MRPS14: variants seen among roughly 807,000 people sequenced by gnomAD.
MRPS14 encodes the protein small ribosomal subunit protein uS14m.
MRPS14 carries 14 observed loss-of-function variants against 16.4 expected under a neutral mutation model. That is an observed-to-expected ratio of 0.85 (90% CI 0.56 to 1.33). MRPS14 has a LOEUF of 1.33. Ranked by LOEUF, MRPS14 falls within the 40% of genes most tolerant of loss-of-function variation. The probability of loss-of-function intolerance (pLI) is 0.00; values close to 1 mark genes in which losing one functional copy is unlikely to be tolerated. For missense variants in MRPS14, 162 were observed against 176.8 expected (o/e 0.92, Z 0.48); for synonymous variants, 54 against 61.9 (o/e 0.87, Z 0.60).
chr1:175,018,239 T>A (rs1442982734), intron 2 of MRPS14, among the ~76,000 whole-genome samples, 179 bp downstream of exon 2: 1 of 152,010 alleles, frequency 6.6e-6, no homozygotes, highest in Non-Finnish European at 1.5e-5. Context: ...TAGTTAGGAG[T>A]GAATAGTCTT....
chr1:175,016,209 A>G (rs1035507205), intron 2 of MRPS14, among the ~76,000 whole-genome samples: 6 of 150,512 alleles, frequency 4.0e-5, no homozygotes, highest in Non-Finnish European at 8.9e-5. Context: ...AAAAAAAAAC[A>G]AAAAAAAACC....
At chr1:175,018,679 T>C (rs1672925985) in intron 1 of MRPS14, 103 bp from the exon 2 acceptor site, 3 of 1,099,110 alleles carry the variant, frequency 2.7e-6, no homozygotes, top group Non-Finnish European at 3.8e-6. Context: ...TCATTTAGTA[T>C]TCTTTTAAGA....
intron 1 of MRPS14, among the ~76,000 whole-genome samples, chr1:175,022,079 A>G (rs945532532): frequency 7.2e-5 from 11 of 152,204 alleles, no homozygotes; most frequent in Admixed American, 2.6e-4. Flanking sequence ...TGTAAACATT[A>G]AACAACTTTA....
chr1:175,023,156 A>G (rs1306439264), intron 1 of MRPS14: 4 of 1,248,490 alleles, frequency 3.2e-6, no homozygotes, highest in Non-Finnish European at 4.3e-6. Flanking sequence ...ACATCTTCCA[A>G]TACCAGTTAG....
At chr1:175,018,019 G>A (rs1290870689) in intron 2 of MRPS14, among the ~76,000 whole-genome samples, 1 of 152,050 alleles carries the variant, frequency 6.6e-6, no homozygotes, top group Non-Finnish European at 1.5e-5. Flanking sequence ...AGTTACTCAG[G>A]AGACTGAGGC....
Position 175,021,501 on chromosome 1 carries a change from A to T in MRPS14, c.45+1863T>A, listed in dbSNP as rs1672977075. Among the ~76,000 whole-genome samples, 3 of 152,248 alleles carry T rather than the reference A, an allele frequency of 2.0e-5. No individual in the cohort carries two copies. In the South Asian group the frequency reaches 6.2e-4, roughly 32 times the overall value. ...CTCACTTTGTATATCTCAACTCATTATCACTTCTTTCTAGCTTGCTCCTTC... is the reference window on the plus strand; with the variant it reads ...CTCACTTTGTATATCTCAACTCATTTTCACTTCTTTCTAGCTTGCTCCTTC... On this transcript the variant is annotated intron_variant, in intron 1 of 2. Transcript: ENST00000476371.
At chr1:175,019,953 A>G (rs978178198) in intron 1 of MRPS14, among the ~76,000 whole-genome samples, 3 of 152,234 alleles carry the variant, frequency 2.0e-5, no homozygotes, top group Non-Finnish European at 2.9e-5. Context: ...TCAATCTATT[A>G]ACAAAAGATA....
chr1:175,015,242 C>T lies in MRPS14; in HGVS notation c.205-391G>A, dbSNP rs533613129. The stretch of plus-strand genomic sequence containing the variant: ...AGGATTACAGGTGTGAGCCACAGCG[C>T]CTGGCCACTGGCAGGTAATGTTCAT... On this transcript the variant is annotated intron_variant, in intron 2 of 2. Coordinates refer to ENST00000476371, the MANE Select transcript of MRPS14 (RefSeq NM_022100.3). Among the ~76,000 whole-genome samples, 249 of 152,294 alleles carry T rather than the reference C, an allele frequency of 1.6e-3. 1 individual carries two copies. Among genetic ancestry groups the T allele is most frequent in the African/African-American group, 5.8e-3 (243 of 41,566 alleles).
In MRPS14 at chr1:175,014,326, ATT is replaced by A; in HGVS notation, c.*341_*342del. On this transcript the variant is annotated 3_prime_UTR_variant, in exon 3 of 3. Coordinates refer to ENST00000476371, the MANE Select transcript of MRPS14 (RefSeq NM_022100.3). ...TTAGTTGGATTATGTATAAGATAGCATTTTATGAAATAATGCTCTTAATACAA... is the reference window on the plus strand; with the variant it reads ...TTAGTTGGATTATGTATAAGATAGCATTATGAAATAATGCTCTTAATACAA... 2 of 390,120 alleles carry A rather than the reference ATT, an allele frequency of 5.1e-6. No homozygotes were observed. Among genetic ancestry groups the A allele is most frequent in the Non-Finnish European group, 9.0e-6 (2 of 221,358 alleles). 24.2% of individuals were successfully genotyped at this position (390,120 alleles called of 1,614,324 possible). A position where few individuals can be genotyped will look rare whatever the true frequency, so the allele number is the denominator to read the frequency against.
chr1:175,020,518 CT>C (rs1672961895), intron 1 of MRPS14, among the ~76,000 whole-genome samples: 3 of 151,718 alleles, frequency 2.0e-5, no homozygotes, highest in Admixed American at 2.0e-4. Flanking sequence ...TTTTTTCCCC[CT>C]TTTTTTGAGA....
intron 1 of MRPS14, chr1:175,022,393 C>G (rs1672993257): frequency 6.6e-6 from 1 of 151,166 alleles, no homozygotes; most frequent in Non-Finnish European, 1.5e-5. Flanking sequence ...GATTAACTGT[C>G]CAGGTTCCTA....
rs1220367638 is a variant in MRPS14, at chr1:175,023,420, C to T, written c.-12G>A. 1 of 1,613,904 alleles carries T rather than the reference C, an allele frequency of 6.2e-7. No individual in the cohort carries two copies. The highest frequency in any genetic ancestry group is 8.5e-7 in the Non-Finnish European group (1 of 1,179,874). On this transcript the variant is annotated 5_prime_UTR_variant, in exon 1 of 3. Transcript: ENST00000476371. ...ATGAAGGCCGCCATGTTGTCCGCTA[C>T]AAACTACAAACCGCTGAAACTTTAT...
chr1:175,018,259 ACT>A (rs1672917957), intron 2 of MRPS14, among the ~76,000 whole-genome samples, 157 bp downstream of exon 2: 1 of 152,064 alleles, frequency 6.6e-6, no homozygotes, highest in East Asian at 1.9e-4. Flanking sequence ...TTAATTTGAA[ACT>A]CAACAAAATC....
intron 1 of MRPS14, among the ~76,000 whole-genome samples, chr1:175,022,777 T>G (rs1673003810): frequency 6.6e-6 from 1 of 151,838 alleles, no homozygotes; most frequent in Admixed American, 6.6e-5. Context: ...AAAGCTCCTT[T>G]AAAGGCTTAT....
chr1:175,022,022 T>C (rs1232826291), intron 1 of MRPS14, among the ~76,000 whole-genome samples: 2 of 152,160 alleles, frequency 1.3e-5, no homozygotes, highest in Non-Finnish European at 2.9e-5. Flanking sequence ...CTAGTGCAAC[T>C]GGGGAATGTA....
chr1:175,016,194 CA>C (rs57811664), intron 2 of MRPS14, among the ~76,000 whole-genome samples: 51 of 92,878 alleles, frequency 5.5e-4, no homozygotes, highest in Admixed American at 4.5e-4. Context: ...AACCCCATCT[CA>C]AAAAAAAAAA....
At chr1:175,019,889 A>G (rs1672946752) in intron 1 of MRPS14, among the ~76,000 whole-genome samples, 1 of 152,260 alleles carries the variant, frequency 6.6e-6, no homozygotes, top group Non-Finnish European at 1.5e-5. Context: ...ATATATGTAT[A>G]GCAGAATATA....
In MRPS14 at chr1:175,014,779, T is replaced by C; in HGVS notation, c.277A>G (p.Met93Val). The stretch of plus-strand genomic sequence containing the variant: ...TTCACACCACGCGGACGGGACGTCA[T>C]AACACACCGATTTCTGATTCTAACA... The part of the protein sequence containing the change: ...CPVRIRNRCV[M>V]TSRPRGVKRR... Residue 93 changes from methionine (M) to valine (V), a missense_variant, in exon 3 of 3, where the codon ATG becomes GTG. Transcript: ENST00000476371. 6.2e-7 allele frequency: 1 copy of C among 1,614,092 alleles called. No homozygotes were observed. The highest frequency in any genetic ancestry group is 2.2e-5 in the East Asian group (1 of 44,880).
chr1:175,014,218 T>C lies in MRPS14; in HGVS notation c.*451A>G. Reference sequence around the variant, plus strand: ...AGCCTTGCTATCCAATCTGTTTATCTAACAATAATAGTTAAGGGGAGCTCT... The same window carrying C: ...AGCCTTGCTATCCAATCTGTTTATCCAACAATAATAGTTAAGGGGAGCTCT... On this transcript the variant is annotated 3_prime_UTR_variant, in exon 3 of 3. Transcript: ENST00000476371. 4.7e-6 allele frequency: 1 copy of C among 210,750 alleles called. No homozygotes were observed. The highest frequency in any genetic ancestry group is 9.3e-6 in the Non-Finnish European group (1 of 107,348). 13.1% of individuals were successfully genotyped at this position (210,750 alleles called of 1,614,324 possible).
Sources: allele counts gnomAD v4.1 joint callset (sites outside exome capture counted in the v4.1 genomes callset), GRCh38; gene constraint gnomAD v4.1.1; transcripts MANE v1.5; gene names NCBI Gene and HGNC (gene_info 2026-07-23, HGNC 2026-07-21).